The following TENM1 variants were observed in gnomAD, a reference collection of about 807,000 sequenced individuals.
The protein encoded by TENM1 is teneurin-1.
TENM1 carries 35 observed loss-of-function variants against 174.8 expected under a neutral mutation model. That is an observed-to-expected ratio of 0.20 (90% CI 0.15 to 0.27). The LOEUF (loss-of-function observed/expected upper bound fraction) is 0.27. Among genes scored for constraint, TENM1 ranks in the 10% least tolerant of loss-of-function variants. TENM1 has a pLI of 1.00. For synonymous variants in TENM1, 781 were observed against 798.7 expected, an observed-to-expected ratio of 0.98 and a Z score of 0.37; for missense variants, 1,633 against 2,130.1, an observed-to-expected ratio of 0.77 and a Z score of 4.59.
the TENM1 span, among the ~76,000 whole-genome samples, chrX:124,981,774 T>A: frequency 9.0e-6 from 1 of 111,157 alleles, no homozygotes; most frequent in Non-Finnish European, 1.9e-5. Flanking sequence ...AAAGTGGAGA[T>A]GCCATTGAGT....
chrX:124,942,325 C>T (rs1005788927), intron 1 of TENM1, among the ~76,000 whole-genome samples: 2 of 111,320 alleles, frequency 1.8e-5, no homozygotes, highest in African/African-American at 3.3e-5. Flanking sequence ...CTGTCTTTCA[C>T]GCTTCTAATA....
the TENM1 span, among the ~76,000 whole-genome samples, chrX:125,121,540 G>A: frequency 8.0e-5 from 9 of 111,845 alleles, no homozygotes; most frequent in East Asian, 2.5e-3. Context: ...ACTTATTTGT[G>A]TAGGCTTCTT....
the TENM1 span, among the ~76,000 whole-genome samples, chrX:125,201,746 C>T: frequency 8.9e-6 from 1 of 111,758 alleles, no homozygotes; most frequent in African/African-American, 3.3e-5. Context: ...TTTCTTTAAT[C>T]ATGAAAAGTT....
chrX:124,732,101 T>G (rs1428302837), intron 4 of TENM1, among the ~76,000 whole-genome samples: 1 of 112,170 alleles, frequency 8.9e-6, no homozygotes, highest in African/African-American at 3.2e-5. Flanking sequence ...TGAGATCAAA[T>G]TAGGCCAAAT....
chrX:124,457,090 GT>G (rs1465315867), intron 22 of TENM1, among the ~76,000 whole-genome samples: 1 of 112,156 alleles, frequency 8.9e-6, no homozygotes, highest in Non-Finnish European at 1.9e-5. Flanking sequence ...GCAGGTGGAG[GT>G]GGAAGTGGGA....
chrX:124,905,333 A>G (rs1045636200), intron 1 of TENM1, among the ~76,000 whole-genome samples: 8 of 111,618 alleles, frequency 7.2e-5, no homozygotes, highest in South Asian at 3.8e-4. Flanking sequence ...ATGAATGAAT[A>G]AATTTTCTAA....
the TENM1 span, among the ~76,000 whole-genome samples, chrX:125,139,934 G>C: frequency 8.2e-5 from 9 of 109,448 alleles, no homozygotes; most frequent in African/African-American, 3.0e-4. Context: ...TATTCAAGGA[G>C]TAATCAAAGA....
intron 4 of TENM1, among the ~76,000 whole-genome samples, chrX:124,720,761 C>T (rs1397629136): frequency 8.9e-6 from 1 of 112,235 alleles, no homozygotes; most frequent in Non-Finnish European, 1.9e-5. Context: ...CTTGCACTGG[C>T]CTAATGTTGC....
chrX:124,655,019 C>A (rs187910452), intron 6 of TENM1, among the ~76,000 whole-genome samples: 8 of 111,847 alleles, frequency 7.2e-5, no homozygotes. Flanking sequence ...AACTTTAATG[C>A]GTACAAGAAG....
the TENM1 span, among the ~76,000 whole-genome samples, chrX:125,045,191 TG>T: frequency 9.0e-6 from 1 of 111,445 alleles, no homozygotes; most frequent in Admixed American, 9.5e-5. Flanking sequence ...GAGAACAGTA[TG>T]GGGGAAACAG....
rs764777062 is a variant in TENM1, at chrX:124,626,485, G to T, written c.2077+15306C>A. ...AAACTTGACAGATGTCAGGTGGACT[G>T]CTGCTGAATGCCTGACTCATACAAC... is the stretch of plus-strand genomic sequence containing the variant. On this transcript the variant is annotated intron_variant, in intron 11 of 31. Coordinates refer to ENST00000422452, the Ensembl canonical transcript of TENM1. Among the ~76,000 whole-genome samples the T allele has an allele frequency of 8.9e-5, 10 of 111,836 alleles. No homozygotes were observed. The Admixed American group carries it at 9.5e-4, about 11-fold the overall frequency.
chrX:124,738,591 AT>A (rs2053731253), intron 3 of TENM1, among the ~76,000 whole-genome samples: 1 of 111,880 alleles, frequency 8.9e-6, no homozygotes. Context: ...CTATCCTTGT[AT>A]ATTTTAAAAG....
the TENM1 span, among the ~76,000 whole-genome samples, chrX:125,012,702 G>A: frequency 9.0e-6 from 1 of 111,502 alleles, no homozygotes; most frequent in Non-Finnish European, 1.9e-5. Context: ...AATCAAATGC[G>A]CACTACATTT....
intron 11 of TENM1, among the ~76,000 whole-genome samples, chrX:124,617,362 A>G (rs1018668414): frequency 8.9e-6 from 1 of 111,928 alleles, no homozygotes; most frequent in Non-Finnish European, 1.9e-5. Flanking sequence ...ATAAAGGTAG[A>G]CTTTCCGGAG....
At chrX:125,079,230 G>A in the TENM1 span, among the ~76,000 whole-genome samples, 1 of 111,404 alleles carries the variant, frequency 9.0e-6, no homozygotes, top group East Asian at 2.8e-4. Flanking sequence ...GAAACTCAAT[G>A]TTTCATTTAT....
At chrX:124,998,090 GAA>G in the TENM1 span, among the ~76,000 whole-genome samples, 48 of 48,687 alleles carry the variant, frequency 9.9e-4, no homozygotes, top group African/African-American at 2.4e-3. Context: ...TCATTTTAGA[GAA>G]AAAAAAAAAA....
chrX:124,443,733 A>G (rs1432698317), intron 23 of TENM1, among the ~76,000 whole-genome samples: 1 of 111,797 alleles, frequency 8.9e-6, no homozygotes, highest in African/African-American at 3.2e-5. Flanking sequence ...AGACACTGTG[A>G]CTAGAAACAA....
chrX:124,551,989 T>C (rs1371710518), intron 14 of TENM1, among the ~76,000 whole-genome samples: 1 of 112,190 alleles, frequency 8.9e-6, no homozygotes, highest in Non-Finnish European at 1.9e-5. Flanking sequence ...GTTCATTTTA[T>C]GAACTATGCT....
intron 23 of TENM1, among the ~76,000 whole-genome samples, chrX:124,441,755 C>T (rs2060904873): frequency 1.8e-5 from 2 of 112,343 alleles, no homozygotes; most frequent in Admixed American, 9.5e-5. Context: ...TGGGAAAATA[C>T]ACTGGAGGTT....
Sources: gnomAD v4.1 joint callset for allele counts (sites outside exome capture counted in the v4.1 genomes callset) on GRCh38, gnomAD v4.1.1 for gene constraint, MANE v1.5 for transcripts, NCBI Gene and HGNC (gene_info 2026-07-23, HGNC 2026-07-21) for gene names.